Variants in DLGAP2 observed in about 807,000 individuals in gnomAD.
DLGAP2 encodes the protein DLG associated protein 2.
A neutral mutation model predicts 100.3 loss-of-function variants in DLGAP2; 26 were observed. The ratio of observed to expected loss-of-function variants is 0.26; its 90% CI spans 0.19 to 0.36. The LOEUF is 0.36. Ranked by LOEUF, DLGAP2 falls within the 10% of genes least tolerant of loss-of-function variation. DLGAP2 has a pLI of 1.00. For missense variants in DLGAP2, 1,858 were observed against 1,453.2 expected, an observed-to-expected ratio of 1.28 and a Z score of -4.53; for synonymous variants, 886 against 630.1, an observed-to-expected ratio of 1.41 and a Z score of -6.08.
chr8:1,618,959 A>G (rs1797244217), intron 6 of DLGAP2, among the ~76,000 whole-genome samples: 1 of 152,212 alleles, frequency 6.6e-6, no homozygotes, highest in South Asian at 2.1e-4. Flanking sequence ...TAATCGCCCC[A>G]GATTAAGAAC....
At chr8:1,498,803 C>T (rs1038087620) in intron 3 of DLGAP2, among the ~76,000 whole-genome samples, 3 of 152,198 alleles carry the variant, frequency 2.0e-5, no homozygotes, top group Non-Finnish European at 2.9e-5. Flanking sequence ...GGGGGTGCTG[C>T]CCTGTACAAA....
intron 1 of DLGAP2, among the ~76,000 whole-genome samples, chr8:767,754 C>T (rs777876505): frequency 1.3e-5 from 2 of 152,182 alleles, no homozygotes; most frequent in Non-Finnish European, 2.9e-5. Flanking sequence ...GAGACACAGG[C>T]TGCTATCTGC....
intron 3 of DLGAP2, among the ~76,000 whole-genome samples, chr8:1,490,491 A>C (rs752570220): frequency 6.6e-6 from 1 of 152,238 alleles, no homozygotes; most frequent in Non-Finnish European, 1.5e-5. Flanking sequence ...TTGTGTGACA[A>C]AGACACTGAG....
At chr8:908,276 T>G (rs1259529425) in intron 2 of DLGAP2, among the ~76,000 whole-genome samples, 3 of 152,222 alleles carry the variant, frequency 2.0e-5, no homozygotes, top group Non-Finnish European at 4.4e-5. Flanking sequence ...GTTTCAAAGT[T>G]GTTTATTTTG....
intron 3 of DLGAP2, among the ~76,000 whole-genome samples, chr8:1,327,354 G>C (rs1255285207): frequency 2.0e-5 from 3 of 152,186 alleles, no homozygotes; most frequent in African/African-American, 4.8e-5. Context: ...TCATGTAAAA[G>C]GTCATTAGTC....
intron 3 of DLGAP2, among the ~76,000 whole-genome samples, chr8:1,317,817 G>T (rs576936145): frequency 7.0e-6 from 1 of 142,214 alleles, no homozygotes; most frequent in Non-Finnish European, 1.5e-5. Context: ...GTGTGCGAGT[G>T]CAGCGTCTCT....
At chr8:825,190 G>A (rs550482374) in intron 1 of DLGAP2, among the ~76,000 whole-genome samples, 2 of 152,278 alleles carry the variant, frequency 1.3e-5, no homozygotes, top group African/African-American at 2.4e-5. Flanking sequence ...GCTACCGTAC[G>A]GCTGTCAGGA....
chr8:1,447,980 C>T (rs963954944), intron 3 of DLGAP2, among the ~76,000 whole-genome samples: 1 of 151,918 alleles, frequency 6.6e-6, no homozygotes, highest in Admixed American at 6.6e-5. Context: ...TCTCTCTTTT[C>T]TTCTTTATTA....
intron 2 of DLGAP2, among the ~76,000 whole-genome samples, chr8:913,258 G>A (rs936656359): frequency 1.3e-5 from 2 of 152,170 alleles, no homozygotes; most frequent in Admixed American, 1.3e-4. Flanking sequence ...AAACGGCAGA[G>A]GGACACCATT....
chr8:1,162,963 C>G (rs1796920474), intron 2 of DLGAP2, among the ~76,000 whole-genome samples: 1 of 152,190 alleles, frequency 6.6e-6, no homozygotes, highest in Non-Finnish European at 1.5e-5. Flanking sequence ...AAAGTCAGAG[C>G]TTGGTAGAAG....
intron 1 of DLGAP2, among the ~76,000 whole-genome samples, chr8:806,907 A>G (rs1295031652): frequency 3.9e-5 from 6 of 152,228 alleles, no homozygotes. Context: ...GGAAGGAAAG[A>G]TGAGATCCTT....
At chr8:1,575,971 C>T (rs186249535) in intron 6 of DLGAP2, among the ~76,000 whole-genome samples, 5 of 152,192 alleles carry the variant, frequency 3.3e-5, no homozygotes, top group Admixed American at 6.5e-5. Context: ...ATAGTCCTTC[C>T]GGTATATACC....
At chr8:858,744 G>A (rs1362770072) in intron 1 of DLGAP2, among the ~76,000 whole-genome samples, 2 of 152,030 alleles carry the variant, frequency 1.3e-5, no homozygotes, top group African/African-American at 4.8e-5. Context: ...CATGTATGAT[G>A]CTGTCACCGT....
At chr8:830,363 C>T (rs144764292) in intron 1 of DLGAP2, among the ~76,000 whole-genome samples, 5 of 152,224 alleles carry the variant, frequency 3.3e-5, no homozygotes, top group Admixed American at 3.3e-4. Flanking sequence ...AAACTATAGT[C>T]ACTCCTGTTA....
chr8:1,286,022 T>G (rs190080728), intron 3 of DLGAP2, among the ~76,000 whole-genome samples: 120 of 152,314 alleles, frequency 7.9e-4, no homozygotes, highest in Middle Eastern at 3.4e-3. Context: ...ATTCACCAAC[T>G]GATATGGTTT....
chr8:1,006,962 AC>A (rs1174649972), intron 2 of DLGAP2, among the ~76,000 whole-genome samples: 1 of 147,866 alleles, frequency 6.8e-6, no homozygotes, highest in Non-Finnish European at 1.5e-5. Context: ...CGTCGGGGAC[AC>A]CGTGTGTCTC....
At chr8:1,233,166 A>G (rs1303860805) in intron 2 of DLGAP2, among the ~76,000 whole-genome samples, 1 of 152,202 alleles carries the variant, frequency 6.6e-6, no homozygotes, top group Non-Finnish European at 1.5e-5. Flanking sequence ...TTGTTTGGAT[A>G]TACCCCATTG....
At chr8:1,367,898 G>C (rs968326629) in intron 3 of DLGAP2, among the ~76,000 whole-genome samples, 11 of 152,216 alleles carry the variant, frequency 7.2e-5, no homozygotes, top group African/African-American at 2.7e-4. Flanking sequence ...GGGCAGAGAA[G>C]TCAGATACCC....
chr8:1,430,011 T>TATATATACAC (rs1554467357), intron 3 of DLGAP2, among the ~76,000 whole-genome samples: 2 of 63,960 alleles, frequency 3.1e-5, no homozygotes, highest in African/African-American at 1.1e-4. Context: ...TATATACATA[T>TATATATACAC]ATATATATAT....
Sources: gnomAD v4.1 joint callset for allele counts (sites outside exome capture counted in the v4.1 genomes callset) on GRCh38, gnomAD v4.1.1 for gene constraint, MANE v1.5 for transcripts, NCBI Gene and HGNC (gene_info 2026-07-23, HGNC 2026-07-21) for gene names.